Variants in KATNIP observed in about 807,000 individuals in gnomAD.
KATNIP encodes the protein katanin interacting protein.
In KATNIP, 126 loss-of-function variants were observed where a neutral mutation model predicts 174.0. The observed-to-expected ratio is 0.72, with a 90% CI of 0.63 to 0.84. The LOEUF is 0.84. Among genes scored for constraint, KATNIP ranks in the 40% least tolerant of loss-of-function variants. KATNIP has a pLI of 0.00. For missense variants in KATNIP, 1,958 were observed against 2,109.7 expected (o/e 0.93, Z 1.41); for synonymous variants, 810 against 835.7 (o/e 0.97, Z 0.53).
At chr16:27,650,010 T>C (rs776072099) in intron 6 of KATNIP, among the ~76,000 whole-genome samples, 50 of 152,120 alleles carry the variant, frequency 3.3e-4, no homozygotes, top group Non-Finnish European at 5.9e-4. Flanking sequence ...CCATCTTTAC[T>C]TGTAATACAA....
intron 21 of KATNIP, among the ~76,000 whole-genome samples, chr16:27,770,958 C>T (rs1348834850): frequency 6.6e-6 from 1 of 152,196 alleles, no homozygotes; most frequent in Non-Finnish European, 1.5e-5. Flanking sequence ...CAAACACCAG[C>T]AGCCCAGTGA....
chr16:27,675,339 A>C (rs770481389), intron 6 of KATNIP, among the ~76,000 whole-genome samples: 16 of 152,216 alleles, frequency 1.1e-4, no homozygotes, highest in Non-Finnish European at 1.8e-4. Flanking sequence ...CCTATGATTC[A>C]GTTATCTCCA....
chr16:27,575,678 A>G (rs2090470560), intron 2 of KATNIP, among the ~76,000 whole-genome samples: 1 of 152,108 alleles, frequency 6.6e-6, no homozygotes, highest in African/African-American at 2.4e-5. Context: ...GCTGAACTGC[A>G]CTCAGCGTCG....
chr16:27,673,638 T>G (rs1394658577), intron 6 of KATNIP, among the ~76,000 whole-genome samples: 2 of 152,160 alleles, frequency 1.3e-5, no homozygotes, highest in African/African-American at 4.8e-5. Context: ...GTCCATGTAA[T>G]AGATCCCAAT....
intron 5 of KATNIP, among the ~76,000 whole-genome samples, chr16:27,635,670 A>G (rs1045583632): frequency 4.0e-5 from 6 of 151,220 alleles, no homozygotes; most frequent in Non-Finnish European, 8.8e-5. Context: ...AGACATGGGG[A>G]CTGCTTAACT....
chr16:27,580,117 T>C (rs1263435795), intron 2 of KATNIP, among the ~76,000 whole-genome samples: 1 of 152,134 alleles, frequency 6.6e-6, no homozygotes, highest in African/African-American at 2.4e-5. Context: ...GCTATCTTTT[T>C]TGTTTTTTTG....
At chr16:27,748,153 C>T (rs1021431711) in intron 15 of KATNIP, among the ~76,000 whole-genome samples, 1 of 152,206 alleles carries the variant, frequency 6.6e-6, no homozygotes, top group Non-Finnish European at 1.5e-5. Flanking sequence ...CCGTGGCTCT[C>T]ATGTTCCATA....
At chr16:27,594,618 G>T (rs1289282300) in intron 2 of KATNIP, among the ~76,000 whole-genome samples, 1 of 151,862 alleles carries the variant, frequency 6.6e-6, no homozygotes, top group African/African-American at 2.4e-5. Flanking sequence ...GGTGTTTTTT[G>T]TTTTATTTTG....
At chr16:27,745,098 A>G (rs1476623100) in intron 15 of KATNIP, among the ~76,000 whole-genome samples, 1 of 152,230 alleles carries the variant, frequency 6.6e-6, no homozygotes, top group Non-Finnish European at 1.5e-5. Flanking sequence ...GTTGAATGCC[A>G]TCTGCATTTT....
chr16:27,771,668 C>T lies in KATNIP; in HGVS notation c.4198+16C>T, dbSNP rs754752496. 1.9e-5 allele frequency: 31 copies of T among 1,612,096 alleles called. No homozygotes were observed. Among genetic ancestry groups the T allele is most frequent in the East Asian group, 4.5e-5 (2 of 44,848 alleles). ...CCCTGTGGCTGTATCCTTCTCCTCCCGCCCCACCAGCACATTCTGGGCCCC... is the reference window on the plus strand; with the variant it reads ...CCCTGTGGCTGTATCCTTCTCCTCCTGCCCCACCAGCACATTCTGGGCCCC... On this transcript the variant is annotated intron_variant, in intron 22 of 27. Coordinates refer to ENST00000261588, the MANE Select transcript of KATNIP (RefSeq NM_015202.5).
Position 27,740,487 on chromosome 16 carries a change from C to G in KATNIP, c.2190C>G (p.Pro730=). The change falls in exon 15 of 28, where the codon CCC becomes CCG. Residue 730 remains proline, a synonymous_variant. Transcript: ENST00000261588. ...AGTGCCCTCCTGTCCATGAGGAGCC[C>G]TCTCTCATCCAACAACTGGAAAACC... ...PVKCPPVHEE[P]SLIQQLENLM... 2.5e-6 allele frequency: 4 copies of G among 1,614,162 alleles called. No homozygotes were observed. Among genetic ancestry groups the G allele is most frequent in the Non-Finnish European group, 3.4e-6 (4 of 1,180,036 alleles).
chr16:27,606,605 C>T (rs991675510), intron 2 of KATNIP, among the ~76,000 whole-genome samples: 4 of 151,760 alleles, frequency 2.6e-5, no homozygotes, highest in African/African-American at 7.3e-5. Context: ...GTGCTGGCTT[C>T]GGGCATGGCT....
intron 15 of KATNIP, among the ~76,000 whole-genome samples, chr16:27,742,120 G>A (rs2081133258): frequency 6.6e-6 from 1 of 151,816 alleles, no homozygotes; most frequent in African/African-American, 2.4e-5. Context: ...TGGTCTTCAA[G>A]GGCATTCCTG....
At position 27,777,830 on chromosome 16, in the gene KATNIP, G is replaced by T. The variant is rs368256864; in HGVS notation, c.4713-51G>T. Reference sequence around the variant, plus strand: ...AGCCCTAAGGAGGATGGATGGCTGGGACACACGGCCAGGAGCCTGATCGAA... The same window carrying T: ...AGCCCTAAGGAGGATGGATGGCTGGTACACACGGCCAGGAGCCTGATCGAA... On this transcript the variant is annotated intron_variant, in intron 26 of 27. Transcript: ENST00000261588. The surrounding 1 kb of genome is among the most constrained non-coding windows in gnomAD (Gnocchi z 4.4). 2.0e-4 allele frequency: 326 copies of T among 1,613,296 alleles called. 2 individuals carry two copies. The African/African-American group carries it at 4.2e-3, about 21-fold the overall frequency.
chr16:27,696,169 G>A (rs1296274739), intron 8 of KATNIP, among the ~76,000 whole-genome samples: 1 of 152,044 alleles, frequency 6.6e-6, no homozygotes, highest in Non-Finnish European at 1.5e-5. Flanking sequence ...TTAAATTGGG[G>A]TGTTATTACT....
At chr16:27,553,261 A>T (rs1283363000) in intron 1 of KATNIP, among the ~76,000 whole-genome samples, 1 of 152,212 alleles carries the variant, frequency 6.6e-6, no homozygotes, top group Non-Finnish European at 1.5e-5. Flanking sequence ...ATTTCATTTT[A>T]AAAAGGAGTT....
At chr16:27,655,228 ATT>A (rs2077240353) in intron 6 of KATNIP, among the ~76,000 whole-genome samples, 3 of 63,748 alleles carry the variant, frequency 4.7e-5, no homozygotes, top group Non-Finnish European at 6.2e-5. Context: ...ATATATATAT[ATT>A]TTGTTTGTTT....
intron 6 of KATNIP, among the ~76,000 whole-genome samples, chr16:27,672,095 A>T (rs531810331): frequency 6.6e-6 from 1 of 152,264 alleles, no homozygotes; most frequent in East Asian, 1.9e-4. Flanking sequence ...CAGAAATCAG[A>T]TAACATTGTA....
In KATNIP at chr16:27,776,879, G is replaced by T. The variant is rs757354848; in HGVS notation, c.4450-49G>T. On this transcript the variant is annotated intron_variant, in intron 24 of 27. Coordinates refer to ENST00000261588, the MANE Select transcript of KATNIP (RefSeq NM_015202.5). This position sits in a 1 kb window ranked among gnomAD's most constrained non-coding sequence, Gnocchi z 4.7. ...CCTGGCACCCCCAGCCCAGCCAAGCGCCTCTGTTTCCAAACATGCCTGTTT... is the reference window on the plus strand; with the variant it reads ...CCTGGCACCCCCAGCCCAGCCAAGCTCCTCTGTTTCCAAACATGCCTGTTT... The T allele has an allele frequency of 7.3e-7, 1 of 1,372,774 alleles. No individual in the cohort carries two copies. Among genetic ancestry groups the T allele is most frequent in the Middle Eastern group, 1.9e-4 (1 of 5,294 alleles). 85.0% of individuals were successfully genotyped at this position (1,372,774 alleles called of 1,614,324 possible). A position where few individuals can be genotyped will look rare whatever the true frequency, so the allele number is the denominator to read the frequency against.
Sources: allele counts gnomAD v4.1 joint callset (sites outside exome capture counted in the v4.1 genomes callset), GRCh38; gene constraint gnomAD v4.1.1; non-coding constraint Gnocchi (gnomAD v3.1); transcripts MANE v1.5; gene names NCBI Gene and HGNC (gene_info 2026-07-23, HGNC 2026-07-21).